Variants in PHOSPHO1 observed in about 807,000 individuals in gnomAD.
PHOSPHO1 encodes phosphoethanolamine/phosphocholine phosphatase 1.
Under a neutral mutation model 17.7 loss-of-function variants are expected in PHOSPHO1, and 6 were observed. That is an observed-to-expected ratio of 0.34 (90% CI 0.19 to 0.67). PHOSPHO1 has a LOEUF of 0.67. PHOSPHO1 is among the 30% of genes least tolerant of loss of function. The pLI is 0.69. For synonymous variants in PHOSPHO1, 159 were observed against 174.6 expected (o/e 0.91, Z 0.71); for missense variants, 330 against 392.1 (o/e 0.84, Z 1.34).
intron 1 of PHOSPHO1, among the ~76,000 whole-genome samples, chr17:49,228,285 CTTCCTTCCTTCCTCCTTCCTTCCT>C (rs2043378067): frequency 2.1e-5 from 2 of 93,328 alleles, no homozygotes; most frequent in Admixed American, 2.0e-4. Flanking sequence ...TCCTTCCTTC[CTTCCTTCCTTCCTCCTTCCTTCCT>C]TCCTTCCTTC....
chr17:49,225,738 T>C (rs753435177), intron 2 of PHOSPHO1: 1 of 1,285,272 alleles, frequency 7.8e-7, no homozygotes, highest in South Asian at 1.2e-5. Context: ...GCAGTGGGGC[T>C]TGGGGAGGTA....
rs1458636061 is a variant in PHOSPHO1, at chr17:49,224,588, C to A, written c.462G>T (p.Ala154=). The A allele has an allele frequency of 6.4e-7, 1 of 1,564,636 alleles. No individual in the cohort carries two copies. Among genetic ancestry groups the A allele is most frequent in the East Asian group, 2.3e-5 (1 of 42,586 alleles). ...ACGGCCGCAGAGCCAGCAGTCCCCG[C>A]GCATCCGGCCCCGACGGGTTGCTGA... ...RILSNPSGPD[A]RGLLALRPFH... The change falls in exon 3 of 3, where the codon GCG becomes GCT. Residue 154 remains alanine, a synonymous_variant. Coordinates refer to ENST00000310544, the MANE Select transcript of PHOSPHO1 (RefSeq NM_178500.4).
At chr17:49,228,787 C>CAAA (rs71144585) in intron 1 of PHOSPHO1, among the ~76,000 whole-genome samples, 3,611 of 78,734 alleles carry the variant, frequency 0.046, 118 homozygotes, top group African/African-American at 0.1. Flanking sequence ...GACTCCGTCT[C>CAAA]AAAAAAAAAA....
chr17:49,228,599 G>A (rs850529), intron 1 of PHOSPHO1, among the ~76,000 whole-genome samples: 1 of 151,756 alleles, frequency 6.6e-6, no homozygotes, highest in African/African-American at 2.4e-5. Flanking sequence ...GACCATCCTG[G>A]CTAACATGGT....
At position 49,228,281 on chromosome 17, in the gene PHOSPHO1, CT is replaced by C. The variant is rs140894275; in HGVS notation, c.-67-1524del. ...CCTTCCTTCCTTCCTTCCTTCCTTC[CT>C]TCCTTCCTTCCTTCCTCCTTCCTTC... On this transcript the variant is annotated intron_variant, in intron 1 of 2. Coordinates refer to ENST00000310544, the MANE Select transcript of PHOSPHO1 (RefSeq NM_178500.4). 6.2e-3 allele frequency among the ~76,000 whole-genome samples: 545 copies of C among 87,808 alleles called. 2 individuals carry two copies. Among genetic ancestry groups the C allele is most frequent in the Non-Finnish European group, 7.2e-3 (310 of 43,056 alleles). The allele number at this position is 87,808 out of a possible 152,430, so 57.6% of individuals were successfully genotyped here.
At chr17:49,230,009 G>C (rs1026004397) in intron 1 of PHOSPHO1, among the ~76,000 whole-genome samples, 1 of 152,162 alleles carries the variant, frequency 6.6e-6, no homozygotes, top group African/African-American at 2.4e-5. Context: ...GCGCCCTGGT[G>C]CCAGTGAGGC....
Position 49,224,224 on chromosome 17 carries a change from A to AC in PHOSPHO1, c.*21dup. 3.9e-6 allele frequency: 6 copies of AC among 1,536,728 alleles called. No individual in the cohort carries two copies. Among genetic ancestry groups the AC allele is most frequent in the Admixed American group, 4.0e-5 (2 of 50,394 alleles). On this transcript the variant is annotated 3_prime_UTR_variant, in exon 3 of 3. Transcript: ENST00000310544. Reference sequence around the variant, plus strand: ...CGCCCCCTCCGCCGTTGGCCCGGGTACCCCCCTGCAGGCGGCCAGACTCAG... The same window carrying AC: ...CGCCCCCTCCGCCGTTGGCCCGGGTACCCCCCCTGCAGGCGGCCAGACTCAG...
intron 2 of PHOSPHO1, chr17:49,225,894 C>G (rs2043350475): frequency 8.7e-7 from 1 of 1,151,192 alleles, no homozygotes; most frequent in South Asian, 1.6e-5. Flanking sequence ...GAGAGGAGGT[C>G]ATTCTAGGGG....
In PHOSPHO1 at chr17:49,224,355, A is replaced by T; in HGVS notation, c.695T>A (p.Ile232Asn). 1 of 1,570,426 alleles carries T rather than the reference A, an allele frequency of 6.4e-7. No homozygotes were observed. Among genetic ancestry groups the T allele is most frequent in the South Asian group, 1.2e-5 (1 of 86,832 alleles). ...PRRGYPMHRL[I>N]QEAQKAEPSS... ...GGGCTCGGCCTTCTGGGCCTCCTGA[A>T]TGAGGCGGTGCATGGGGTAGCCGCG... Residue 232 changes from isoleucine (I) to asparagine (N), a missense_variant, in exon 3 of 3, where the codon ATT becomes AAT. Coordinates refer to ENST00000310544, the MANE Select transcript of PHOSPHO1 (RefSeq NM_178500.4).
In PHOSPHO1 at chr17:49,224,892, T is replaced by C. The variant is rs762220946; in HGVS notation, c.158A>G (p.Gln53Arg). The C allele has an allele frequency of 1.4e-5, 22 of 1,603,502 alleles. No individual in the cohort carries two copies. Among genetic ancestry groups the C allele is most frequent in the Middle Eastern group, 3.3e-4 (2 of 6,076 alleles). ...DDSIVRAAPG[Q>R]RLPESLRATY... ...GGCTCGCAGGCTCTCCGGGAGCCGC[T>C]GGCCCGGCGCGGCGCGCACGATCGA... Residue 53 changes from glutamine (Q) to arginine (R), a missense_variant, in exon 3 of 3, where the codon CAG becomes CGG. Transcript: ENST00000310544.
chr17:49,224,294 C>T lies in PHOSPHO1; in HGVS notation c.756G>A (p.Thr252=), dbSNP rs1449861644. Residue 252 remains threonine, a synonymous_variant, in exon 3 of 3, where the codon ACG becomes ACA. Coordinates refer to ENST00000310544, the MANE Select transcript of PHOSPHO1 (RefSeq NM_178500.4). ...GCAGGTGGAGGCGCACATCTGCAGC[C>T]GTTTCCCAGGGCACCACGCTGGCGC... ...SFRASVVPWE[T]AADVRLHLQQ... is the part of the protein sequence containing the mutation. 4 of 1,597,370 alleles carry T rather than the reference C, an allele frequency of 2.5e-6. No homozygotes were observed. Among genetic ancestry groups the T allele is most frequent in the Non-Finnish European group, 1.7e-6 (2 of 1,176,122 alleles).
intron 1 of PHOSPHO1, chr17:49,229,025 A>G (rs888541087): frequency 9.2e-5 from 14 of 152,030 alleles, no homozygotes; most frequent in African/African-American, 2.7e-4. Context: ...AAATACAGTT[A>G]CATTTTTCTG....
intron 2 of PHOSPHO1, among the ~76,000 whole-genome samples, chr17:49,225,999 G>C (rs1167026051): frequency 6.6e-6 from 1 of 152,036 alleles, no homozygotes; most frequent in Non-Finnish European, 1.5e-5. Context: ...TCTTGTTGGA[G>C]GGGAGGGTGG....
intron 2 of PHOSPHO1, chr17:49,225,728 G>C: frequency 7.8e-7 from 1 of 1,287,648 alleles, no homozygotes; most frequent in Non-Finnish European, 1.0e-6. Context: ...AGCAGGAGAA[G>C]CAGTGGGGCT....
At position 49,225,763 on chromosome 17, in the gene PHOSPHO1, C is replaced by T. The variant is rs117029634; in HGVS notation, c.46-759G>A. 11,464 of 1,269,228 alleles carry T rather than the reference C, an allele frequency of 9.0e-3. 79 individuals are homozygous for T. The highest frequency in any genetic ancestry group is 0.011 in the Non-Finnish European group (10,622 of 979,514). 78.6% of individuals were successfully genotyped at this position (1,269,228 alleles called of 1,614,324 possible). ...TTGGGGAGGTAAGAGCCTCCCGCAC[C>T]AGGCCATGACACACCTGGGAGACAG... On this transcript the variant is annotated intron_variant, in intron 2 of 2. Transcript: ENST00000310544.
intron 1 of PHOSPHO1, among the ~76,000 whole-genome samples, chr17:49,228,289 CT>C (rs1274568162): frequency 5.0e-4 from 38 of 75,870 alleles, no homozygotes; most frequent in Middle Eastern, 6.7e-3. Context: ...TCCTTCCTTC[CT>C]TCCTTCCTCC....
chr17:49,225,855 G>A, intron 2 of PHOSPHO1: 3 of 1,189,926 alleles, frequency 2.5e-6, no homozygotes, highest in Non-Finnish European at 3.2e-6. Context: ...CCAGGTAGTG[G>A]GGACTTGGGG....
chr17:49,225,046 G>A, intron 2 of PHOSPHO1, 42 bp from the exon 3 acceptor site: 1 of 1,453,022 alleles, frequency 6.9e-7, no homozygotes. Flanking sequence ...GAGGAGGAGG[G>A]GGCAAGCGAG....
chr17:49,224,827 C>T lies in PHOSPHO1; in HGVS notation c.223G>A (p.Val75Ile), dbSNP rs749076783. ...EGFYNEYMQR[V>I]FKYLGEQGVR... is the part of the protein sequence containing the mutation. ...CCCTGCTCGCCCAGGTACTTGAAGA[C>T]GCGCTGCATGTACTCGTTGTAGAAG... is the stretch of plus-strand genomic sequence containing the variant. Residue 75 changes from valine (V) to isoleucine (I), a missense_variant, in exon 3 of 3, where the codon GTC (valine) becomes ATC (isoleucine). Val to Ile is a conservative substitution (Grantham distance 29, BLOSUM62 3). Coordinates refer to ENST00000310544, the MANE Select transcript of PHOSPHO1 (RefSeq NM_178500.4). 3 of 1,604,692 alleles carry T rather than the reference C, an allele frequency of 1.9e-6. No individual in the cohort carries two copies. The highest frequency in any genetic ancestry group is 2.6e-6 in the Non-Finnish European group (3 of 1,175,834).
Sources: gnomAD v4.1 joint callset for allele counts (sites outside exome capture counted in the v4.1 genomes callset) on GRCh38, gnomAD v4.1.1 for gene constraint, MANE v1.5 for transcripts, NCBI Gene and HGNC (gene_info 2026-07-23, HGNC 2026-07-21) for gene names.